The following STX18 variants were observed in gnomAD, a reference collection of about 807,000 sequenced individuals.
STX18 encodes the protein syntaxin-18.
Under a neutral mutation model 50.1 loss-of-function variants are expected in STX18, and 40 were observed. The ratio of observed to expected loss-of-function variants is 0.80; its 90% CI spans 0.62 to 1.04. The LOEUF is 1.04. Among genes scored for constraint, STX18 ranks in the 50% least tolerant of loss-of-function variants. STX18 has a pLI of 0.00. For missense variants in STX18, 410 were observed against 415.8 expected (o/e 0.99, Z 0.12); for synonymous variants, 158 against 151.8 (o/e 1.04, Z -0.30).
At chr4:4,519,665 A>C (rs1730428504) in intron 1 of STX18, among the ~76,000 whole-genome samples, 1 of 152,212 alleles carries the variant, frequency 6.6e-6, no homozygotes, top group Non-Finnish European at 1.5e-5. Context: ...TGAGATTTTA[A>C]AAGGACGACT....
At chr4:4,507,123 A>C (rs1729745802) in intron 1 of STX18, 1 of 557,268 alleles carries the variant, frequency 1.8e-6, no homozygotes, top group Non-Finnish European at 3.5e-6. Context: ...AATGGCAAGA[A>C]GCCAGGTGAG....
At chr4:4,502,330 T>A (rs1218411066) in intron 1 of STX18, among the ~76,000 whole-genome samples, 1 of 152,152 alleles carries the variant, frequency 6.6e-6, no homozygotes, top group African/African-American at 2.4e-5. Flanking sequence ...CCTAAAACAA[T>A]GTAATTGGGA....
chr4:4,445,992 G>T (rs1244714858), intron 5 of STX18, among the ~76,000 whole-genome samples: 1 of 152,170 alleles, frequency 6.6e-6, no homozygotes, highest in Admixed American at 6.5e-5. Context: ...TCAGACCAAT[G>T]ATACTGAATA....
chr4:4,484,199 C>A (rs537703654), intron 1 of STX18, among the ~76,000 whole-genome samples: 1 of 152,260 alleles, frequency 6.6e-6, no homozygotes, highest in South Asian at 2.1e-4. Flanking sequence ...AATACATCTG[C>A]GGCTTCTGGC....
At chr4:4,494,580 T>C (rs919865701) in intron 1 of STX18, among the ~76,000 whole-genome samples, 1 of 152,210 alleles carries the variant, frequency 6.6e-6, no homozygotes, top group Non-Finnish European at 1.5e-5. Flanking sequence ...GGCTCAGATA[T>C]GTTAGAGTTG....
chr4:4,456,234 G>A (rs976986549), intron 5 of STX18, among the ~76,000 whole-genome samples: 3 of 151,672 alleles, frequency 2.0e-5, no homozygotes, highest in Non-Finnish European at 4.4e-5. Flanking sequence ...CTCCATCCTG[G>A]GAGACAGGGT....
At chr4:4,536,407 G>A (rs1418796179) in intron 1 of STX18, among the ~76,000 whole-genome samples, 1 of 152,156 alleles carries the variant, frequency 6.6e-6, no homozygotes, top group Non-Finnish European at 1.5e-5. Context: ...ACAAATAAAT[G>A]GATATATGAT....
chr4:4,420,205 T>A lies in STX18; in HGVS notation c.913-76A>T. Reference sequence around the variant, plus strand: ...GAGCAGCCCTGAAATGCCCCCCTCTTCCCACGTGCTCTCCTGATCCTGGCT... The same window carrying A: ...GAGCAGCCCTGAAATGCCCCCCTCTACCCACGTGCTCTCCTGATCCTGGCT... On this transcript the variant is annotated intron_variant, in intron 10 of 10. Transcript: ENST00000306200. The surrounding 1 kb of genome is among the most constrained non-coding windows in gnomAD (Gnocchi z 4.3). 1 of 1,114,720 alleles carries A rather than the reference T, an allele frequency of 9.0e-7. No homozygotes were observed. Among genetic ancestry groups the A allele is most frequent in the Non-Finnish European group, 1.3e-6 (1 of 758,948 alleles). The allele number at this position is 1,114,720 out of a possible 1,614,324, so 69.1% of individuals were successfully genotyped here. A position where few individuals can be genotyped will look rare whatever the true frequency, so the allele number is the denominator to read the frequency against.
At position 4,525,295 on chromosome 4, in the gene STX18, A is replaced by T. The variant is rs112380850; in HGVS notation, c.168+16502T>A. Among the ~76,000 whole-genome samples, 112 of 152,320 alleles carry T rather than the reference A, an allele frequency of 7.4e-4. 2 individuals are homozygous for T. The highest frequency in any genetic ancestry group is 2.6e-3 in the African/African-American group (107 of 41,576). ...ACAGCTGTTCTCCAATTTCACAGGGAAAAGAATGAGAGGAAATTGATTTAA... is the reference window on the plus strand; with the variant it reads ...ACAGCTGTTCTCCAATTTCACAGGGTAAAGAATGAGAGGAAATTGATTTAA... On this transcript the variant is annotated intron_variant, in intron 1 of 10. Transcript: ENST00000306200.
intron 1 of STX18, among the ~76,000 whole-genome samples, chr4:4,478,319 T>C (rs1728296534): frequency 6.6e-6 from 1 of 152,044 alleles, no homozygotes; most frequent in Non-Finnish European, 1.5e-5. Context: ...TGGGGGGCTT[T>C]GGATTGGCAA....
At chr4:4,514,806 C>T (rs1730169699) in intron 1 of STX18, among the ~76,000 whole-genome samples, 1 of 151,998 alleles carries the variant, frequency 6.6e-6, no homozygotes, top group African/African-American at 2.4e-5. Flanking sequence ...AGAATTCTTT[C>T]TTTGGATCAG....
intron 1 of STX18, among the ~76,000 whole-genome samples, chr4:4,505,420 T>C (rs1018289602): frequency 2.6e-5 from 4 of 152,136 alleles, no homozygotes; most frequent in African/African-American, 9.7e-5. Context: ...TGAGAGCTGA[T>C]GTCGAGCATC....
intron 6 of STX18, among the ~76,000 whole-genome samples, chr4:4,436,612 T>C (rs917995904): frequency 5.9e-5 from 9 of 152,222 alleles, no homozygotes; most frequent in African/African-American, 1.9e-4. Context: ...ACATGCTCAT[T>C]TGTGGCCATC....
chr4:4,507,525 C>T, intron 1 of STX18: 5 of 769,082 alleles, frequency 6.5e-6, no homozygotes, highest in African/African-American at 1.7e-5. Context: ...TTCGAAAAAG[C>T]CGCACAAAAA....
At chr4:4,506,255 C>T (rs1293292769) in intron 1 of STX18, among the ~76,000 whole-genome samples, 6 of 152,202 alleles carry the variant, frequency 3.9e-5, no homozygotes, top group African/African-American at 1.4e-4. Flanking sequence ...ACATTTGTAG[C>T]AGTTCTATTC....
chr4:4,423,483 GAA>G, intron 9 of STX18, 33 bp downstream of exon 9: 1 of 1,603,056 alleles, frequency 6.2e-7, no homozygotes, highest in Non-Finnish European at 8.5e-7. Flanking sequence ...CCCTTTGAGT[GAA>G]AACATACAGC....
chr4:4,430,830 C>T (rs1302548544), intron 7 of STX18, among the ~76,000 whole-genome samples: 1 of 152,180 alleles, frequency 6.6e-6, no homozygotes, highest in Non-Finnish European at 1.5e-5. Flanking sequence ...TGAGACAATT[C>T]TGTGGGGTAT....
chr4:4,497,796 G>A (rs1158639706), intron 1 of STX18, among the ~76,000 whole-genome samples: 1 of 152,042 alleles, frequency 6.6e-6, no homozygotes, highest in African/African-American at 2.4e-5. Flanking sequence ...AAATGTGTTC[G>A]CCGATCCTCA....
intron 1 of STX18, among the ~76,000 whole-genome samples, chr4:4,521,256 C>T (rs1007809454): frequency 7.2e-5 from 11 of 152,160 alleles, no homozygotes; most frequent in Admixed American, 6.5e-5. Flanking sequence ...GGGTACAGGC[C>T]GATCTGCATG....
Sources: gnomAD v4.1 joint callset for allele counts (sites outside exome capture counted in the v4.1 genomes callset) on GRCh38, gnomAD v4.1.1 for gene constraint, Gnocchi (gnomAD v3.1) non-coding constraint, MANE v1.5 for transcripts, NCBI Gene and HGNC (gene_info 2026-07-23, HGNC 2026-07-21) for gene names.